GRID2: variants seen among roughly 807,000 people sequenced by gnomAD.
GRID2 encodes the protein glutamate ionotropic receptor delta type subunit 2.
GRID2 carries 33 observed loss-of-function variants against 114.8 expected under a neutral mutation model. That is an observed-to-expected ratio of 0.29 (90% confidence interval 0.22 to 0.38). The LOEUF (loss-of-function observed/expected upper bound fraction) is 0.38, where lower values mean the gene tolerates loss of function less well. Among genes scored for constraint, GRID2 ranks in the 10% least tolerant of loss-of-function variants. The pLI is 1.00. For missense variants in GRID2, 1,184 were observed against 1,257.7 expected, an observed-to-expected ratio of 0.94 and a Z score of 0.89; for synonymous variants, 505 against 449.9, an observed-to-expected ratio of 1.12 and a Z score of -1.55.
chr4:93,494,824 T>G (rs375224288), intron 12 of GRID2, among the ~76,000 whole-genome samples: 1 of 151,806 alleles, frequency 6.6e-6, no homozygotes, highest in Non-Finnish European at 1.5e-5. Flanking sequence ...TTTTTTTCTC[T>G]TGATAACTAG....
At chr4:93,602,283 A>C (rs1269519658) in intron 13 of GRID2, among the ~76,000 whole-genome samples, 1 of 152,158 alleles carries the variant, frequency 6.6e-6, no homozygotes, top group Non-Finnish European at 1.5e-5. Context: ...CAATCAATTT[A>C]GTTAAGTGTT....
chr4:93,783,308 TAAGTA>T (rs2110352385), intron 1 of GRID2, among the ~76,000 whole-genome samples: 1 of 152,348 alleles, frequency 6.6e-6, no homozygotes, highest in South Asian at 2.1e-4. Flanking sequence ...TCTGGAAAGT[TAAGTA>T]ATTTGGTTGA....
At chr4:92,653,742 T>G (rs1732095230) in intron 2 of GRID2, among the ~76,000 whole-genome samples, 1 of 152,086 alleles carries the variant, frequency 6.6e-6, no homozygotes, top group Admixed American at 6.6e-5. Context: ...CTTCACTATT[T>G]CAGACAAGTC....
At chr4:93,385,517 G>T (rs1764232014) in intron 8 of GRID2, among the ~76,000 whole-genome samples, 1 of 152,120 alleles carries the variant, frequency 6.6e-6, no homozygotes, top group South Asian at 2.1e-4. Context: ...CATTGTGTGT[G>T]AATTGTATAC....
chr4:92,750,402 A>T (rs1178535148), intron 2 of GRID2, among the ~76,000 whole-genome samples: 1 of 152,206 alleles, frequency 6.6e-6, no homozygotes, highest in African/African-American at 2.4e-5. Context: ...AATTAATATG[A>T]AAATTCAACA....
chr4:92,633,450 A>T (rs1730912120), intron 2 of GRID2, among the ~76,000 whole-genome samples: 1 of 152,144 alleles, frequency 6.6e-6, no homozygotes, highest in Non-Finnish European at 1.5e-5. Context: ...AGGGAGAAGA[A>T]GATTTTCATT....
chr4:92,969,151 G>A lies in GRID2; in HGVS notation c.245-115844G>A, dbSNP rs142472452. Among the ~76,000 whole-genome samples the A allele has an allele frequency of 2.3e-3, 355 of 151,638 alleles. 2 individuals are homozygous for A. Among genetic ancestry groups the A allele is most frequent in the African/African-American group, 8.1e-3 (334 of 41,430 alleles). On this transcript the variant is annotated intron_variant, in intron 2 of 15. Transcript: ENST00000282020. ...ACAGCGTGTTTGCTTAAATAATTAT[G>A]TTCAGCTAGAGTAAAGTCAAATTAT...
chr4:92,736,500 C>G (rs897649882), intron 2 of GRID2, among the ~76,000 whole-genome samples: 1 of 151,954 alleles, frequency 6.6e-6, no homozygotes, highest in African/African-American at 2.4e-5. Context: ...GCAGCAATTC[C>G]CAAAAGGATA....
chr4:92,623,334 G>A (rs1356111745), intron 2 of GRID2, among the ~76,000 whole-genome samples: 1 of 150,634 alleles, frequency 6.6e-6, no homozygotes, highest in African/African-American at 2.4e-5. Flanking sequence ...TATCCTCAGT[G>A]TAACCCTGCG....
chr4:92,887,627 G>A (rs1045220422), intron 2 of GRID2, among the ~76,000 whole-genome samples: 2 of 152,166 alleles, frequency 1.3e-5, no homozygotes, highest in Admixed American at 1.3e-4. Context: ...AGATAATGGT[G>A]CTAGGACCAG....
chr4:93,218,969 A>G (rs2149485781), intron 6 of GRID2, among the ~76,000 whole-genome samples: 1 of 152,292 alleles, frequency 6.6e-6, no homozygotes, highest in African/African-American at 2.4e-5. Context: ...AATCATCCCC[A>G]TCATTTGATG....
chr4:93,769,226 C>A lies in GRID2; in HGVS notation c.2377C>A (p.Gln793Lys), dbSNP rs753116723. The A allele has an allele frequency of 2.5e-6, 4 of 1,613,774 alleles. No homozygotes were observed. The highest frequency in any genetic ancestry group is 3.4e-6 in the Non-Finnish European group (4 of 1,179,678). ...TATCCCAAGGATCCTGGAGCTTCAGCAGAATGGTGACATGGACATCCTGAA... is the reference window on the plus strand; with the variant it reads ...TATCCCAAGGATCCTGGAGCTTCAGAAGAATGGTGACATGGACATCCTGAA... ...VFSQRILELQ[Q>K]NGDMDILKHK... Residue 793 changes from glutamine to lysine, a missense_variant, in exon 15 of 16, where the codon CAG becomes AAG. Gln to Lys is a moderately conservative substitution (Grantham distance 53). Around this residue, in one of 3 missense-constraint regions of GRID2, gnomAD observed 717 missense variants for 796.9 expected, o/e 0.90. Transcript: ENST00000282020.
chr4:93,200,731 T>C (rs1293115822), intron 4 of GRID2, among the ~76,000 whole-genome samples: 1 of 152,238 alleles, frequency 6.6e-6, no homozygotes, highest in African/African-American at 2.4e-5. Flanking sequence ...AAATTCCTTC[T>C]GGTATTTCAG....
intron 2 of GRID2, among the ~76,000 whole-genome samples, chr4:92,966,061 A>G (rs1046572251): frequency 6.6e-6 from 1 of 151,954 alleles, no homozygotes; most frequent in Non-Finnish European, 1.5e-5. Context: ...AACTCTCACA[A>G]TGTCTTTTGT....
chr4:93,078,749 CT>C (rs147637242), intron 2 of GRID2, among the ~76,000 whole-genome samples: 21,507 of 142,556 alleles, frequency 0.15, 1,884 homozygotes, highest in Middle Eastern at 0.26. Context: ...ACTGTATATA[CT>C]AAATATAATT....
chr4:92,704,362 C>T (rs765952337), intron 2 of GRID2, among the ~76,000 whole-genome samples: 3 of 152,130 alleles, frequency 2.0e-5, no homozygotes, highest in Non-Finnish European at 4.4e-5. Flanking sequence ...AGATTTAATT[C>T]ATTACTTCCC....
chr4:93,404,087 C>A (rs1579969246), intron 9 of GRID2, among the ~76,000 whole-genome samples: 1 of 152,078 alleles, frequency 6.6e-6, no homozygotes, highest in African/African-American at 2.4e-5. Context: ...CATGGATGAA[C>A]CTTGAAAGCA....
chr4:93,004,923 T>C (rs1721354257), intron 2 of GRID2, among the ~76,000 whole-genome samples: 1 of 152,050 alleles, frequency 6.6e-6, no homozygotes, highest in Non-Finnish European at 1.5e-5. Context: ...CAGTTTTTGG[T>C]TTTGTTTCTT....
At chr4:93,373,870 T>G (rs921406120) in intron 8 of GRID2, among the ~76,000 whole-genome samples, 2 of 152,186 alleles carry the variant, frequency 1.3e-5, no homozygotes, top group African/African-American at 4.8e-5. Context: ...TGTAGCAAGG[T>G]GCTTTTGCTG....
Sources: allele counts gnomAD v4.1 joint callset (sites outside exome capture counted in the v4.1 genomes callset), GRCh38; gene constraint gnomAD v4.1.1; regional missense constraint gnomAD v4.1.1; transcripts MANE v1.5; gene names NCBI Gene and HGNC (gene_info 2026-07-23, HGNC 2026-07-21).